The following DYM variants were observed in gnomAD, a reference collection of about 807,000 sequenced individuals.
DYM encodes dymeclin.
Under a neutral mutation model 93.1 loss-of-function variants are expected in DYM, and 78 were observed. That is an observed-to-expected ratio of 0.84 (90% CI 0.70 to 1.01). The LOEUF is 1.01. Among genes scored for constraint, DYM ranks in the 50% least tolerant of loss-of-function variants. DYM has a pLI of 0.00. For missense variants in DYM, 789 were observed against 845.0 expected, an observed-to-expected ratio of 0.93 and a Z score of 0.82; for synonymous variants, 321 against 319.7, an observed-to-expected ratio of 1.00 and a Z score of -0.04.
chr18:49,344,777 A>T (rs1389301694), intron 6 of DYM, among the ~76,000 whole-genome samples: 2 of 152,208 alleles, frequency 1.3e-5, no homozygotes, highest in Non-Finnish European at 2.9e-5. Context: ...AAAGGTTTAA[A>T]TCTAAAAAGA....
intron 16 of DYM, among the ~76,000 whole-genome samples, chr18:49,098,112 G>T (rs1474919666): frequency 6.6e-6 from 1 of 151,914 alleles, no homozygotes; most frequent in East Asian, 1.9e-4. Flanking sequence ...GGAAATACAC[G>T]GTCCCTAAAT....
chr18:49,289,712 A>AATAT (rs1236757838), intron 8 of DYM, among the ~76,000 whole-genome samples: 20 of 112,710 alleles, frequency 1.8e-4, no homozygotes, highest in Admixed American at 3.2e-4. Flanking sequence ...CCCTATCTCA[A>AATAT]ATATATATAT....
rs375737766 is a variant in DYM at position 49,125,758 on chromosome 18, T to C, written c.1729-6832A>G. On this transcript the variant is annotated intron_variant, in intron 15 of 17. Transcript: ENST00000675505. ...TCCCTTCTATAACATTCATCCCAAGTGGTCAACCAGCCCATCCTTGAATAC... is the reference window on the plus strand; with the variant it reads ...TCCCTTCTATAACATTCATCCCAAGCGGTCAACCAGCCCATCCTTGAATAC... Among the ~76,000 whole-genome samples, 23 of 152,332 alleles carry C rather than the reference T, an allele frequency of 1.5e-4. No individual in the cohort carries two copies. In the South Asian group the frequency reaches 4.6e-3, roughly 30 times the overall value.
At chr18:49,161,631 T>A (rs745439966) in intron 15 of DYM, among the ~76,000 whole-genome samples, 3 of 152,228 alleles carry the variant, frequency 2.0e-5, no homozygotes, top group Non-Finnish European at 2.9e-5. Context: ...AGCGAGCTGT[T>A]ATGCTAATTA....
intron 8 of DYM, among the ~76,000 whole-genome samples, chr18:49,317,516 A>T (rs1316025999): frequency 6.7e-6 from 1 of 149,990 alleles, no homozygotes; most frequent in Non-Finnish European, 1.5e-5. Flanking sequence ...ATCAACTCAT[A>T]TAATGGTACT....
At chr18:49,291,587 T>A (rs2060118817) in intron 8 of DYM, among the ~76,000 whole-genome samples, 1 of 152,206 alleles carries the variant, frequency 6.6e-6, no homozygotes, top group African/African-American at 2.4e-5. Context: ...AGTATAGGTA[T>A]AAGCAAACTC....
chr18:49,189,735 T>C (rs1365548238), intron 14 of DYM, among the ~76,000 whole-genome samples: 1 of 152,182 alleles, frequency 6.6e-6, no homozygotes. Flanking sequence ...AGGTTATTAA[T>C]ATCAGTAATA....
At chr18:49,091,992 A>G (rs1387844244) in intron 17 of DYM, among the ~76,000 whole-genome samples, 1 of 152,190 alleles carries the variant, frequency 6.6e-6, no homozygotes, top group Admixed American at 6.5e-5. Context: ...CTGACTAGCA[A>G]TTTTAAAAAA....
intron 6 of DYM, among the ~76,000 whole-genome samples, chr18:49,357,936 G>A (rs541084270): frequency 6.6e-6 from 1 of 152,246 alleles, no homozygotes; most frequent in Admixed American, 6.5e-5. Flanking sequence ...GGTTGCTTGA[G>A]CCCAGAATTC....
chr18:49,433,256 G>A (rs1600215570), intron 1 of DYM, among the ~76,000 whole-genome samples: 1 of 152,166 alleles, frequency 6.6e-6, no homozygotes, highest in Non-Finnish European at 1.5e-5. Context: ...GGAGAATTTG[G>A]AAGCAATGAA....
At chr18:49,222,158 AC>A (rs1413121503) in intron 13 of DYM, among the ~76,000 whole-genome samples, 1 of 152,092 alleles carries the variant, frequency 6.6e-6, no homozygotes, top group Non-Finnish European at 1.5e-5. Flanking sequence ...ATATTGTGAA[AC>A]AACTATATAC....
At chr18:49,055,980 G>A (rs2075437418) in intron 17 of DYM, among the ~76,000 whole-genome samples, 2 of 152,212 alleles carry the variant, frequency 1.3e-5, no homozygotes, top group Admixed American at 6.5e-5. Flanking sequence ...TGAGGATGGA[G>A]GTGGTGACAC....
chr18:49,357,858 A>AC (rs1344527006), intron 6 of DYM, among the ~76,000 whole-genome samples: 6 of 152,172 alleles, frequency 3.9e-5, no homozygotes, highest in African/African-American at 1.4e-4. Context: ...AAGTGTTAAG[A>AC]CAAAAAACAG....
rs143519652 is a variant in DYM, at chr18:49,455,531, A to G, written c.-54+4867T>C. Among the ~76,000 whole-genome samples, 7 of 152,356 alleles carry G rather than the reference A, an allele frequency of 4.6e-5. No homozygotes were observed. In the East Asian group the frequency reaches 1.3e-3, roughly 29 times the overall value. On this transcript the variant is annotated intron_variant, in intron 1 of 17. Coordinates refer to ENST00000675505, the MANE Select transcript of DYM (RefSeq NM_001353214.3). ...ATAAAGTATATATTAGTCCCATTAT[A>G]CAGATAAGAAAACTGAAGTTCAAAA...
At chr18:49,310,030 A>G (rs558293368) in intron 8 of DYM, among the ~76,000 whole-genome samples, 1 of 152,344 alleles carries the variant, frequency 6.6e-6, no homozygotes, top group Non-Finnish European at 1.5e-5. Context: ...CAAGACATAC[A>G]AAACTCAAAG....
intron 2 of DYM, among the ~76,000 whole-genome samples, chr18:49,393,458 A>G (rs1317690253): frequency 6.6e-6 from 1 of 152,206 alleles, no homozygotes; most frequent in Non-Finnish European, 1.5e-5. Flanking sequence ...ACACAATGGA[A>G]TATTATTTAG....
At chr18:49,367,349 T>G (rs76891951) in intron 5 of DYM, among the ~76,000 whole-genome samples, 1,541 of 152,294 alleles carry the variant, frequency 0.01, 42 homozygotes, top group South Asian at 0.076. Flanking sequence ...GGGGAAGAAG[T>G]AGACAAGCGA....
At chr18:49,169,186 C>T (rs529076967) in intron 14 of DYM, among the ~76,000 whole-genome samples, 9 of 152,136 alleles carry the variant, frequency 5.9e-5, no homozygotes, top group African/African-American at 2.2e-4. Flanking sequence ...TGAAAAAGGA[C>T]GTGCCTAAAT....
intron 14 of DYM, 41 bp from the exon 15 acceptor site, chr18:49,163,828 GTTTTC>G (rs780534079): frequency 1.1e-5 from 15 of 1,306,476 alleles, no homozygotes; most frequent in African/African-American, 7.3e-5. Context: ...TAAAGGAACT[GTTTTC>G]TTTTCTGTCT....
Sources: gnomAD v4.1 joint callset for allele counts (sites outside exome capture counted in the v4.1 genomes callset) on GRCh38, gnomAD v4.1.1 for gene constraint, MANE v1.5 for transcripts, NCBI Gene and HGNC (gene_info 2026-07-23, HGNC 2026-07-21) for gene names.